Variants in TRAF3 observed in about 807,000 individuals in gnomAD.
TRAF3 encodes the protein TNF receptor-associated factor 3.
A neutral mutation model predicts 62.3 loss-of-function variants in TRAF3; 13 were observed. That is an observed-to-expected ratio of 0.21 (90% CI 0.14 to 0.33). The LOEUF (loss-of-function observed/expected upper bound fraction) is 0.33, where lower values mean the gene tolerates loss of function less well. TRAF3 is among the 10% of genes least tolerant of loss of function. The pLI, the probability that TRAF3 is intolerant of heterozygous loss-of-function variation, is 1.00. For missense variants in TRAF3, 440 were observed against 741.8 expected (o/e 0.59, Z 4.73); for synonymous variants, 269 against 283.4 (o/e 0.95, Z 0.51).
intron 1 of TRAF3, among the ~76,000 whole-genome samples, chr14:102,807,000 C>T (rs1034417713): frequency 6.6e-6 from 1 of 152,166 alleles, no homozygotes. Flanking sequence ...CACAATCTGT[C>T]GTTGGTGCTC....
intron 1 of TRAF3, among the ~76,000 whole-genome samples, chr14:102,800,682 T>C (rs1382412940): frequency 6.6e-6 from 1 of 151,720 alleles, no homozygotes; most frequent in Non-Finnish European, 1.5e-5. Flanking sequence ...TTAACATGTT[T>C]CCTGTTCTTT....
intron 1 of TRAF3, among the ~76,000 whole-genome samples, chr14:102,799,638 A>G (rs1057261028): frequency 1.3e-5 from 2 of 152,100 alleles, no homozygotes; most frequent in Admixed American, 6.6e-5. Flanking sequence ...TTTAGTAGAG[A>G]TGGGGTTTCA....
At chr14:102,894,195 T>C (rs906456523) in intron 9 of TRAF3, among the ~76,000 whole-genome samples, 8 of 151,932 alleles carry the variant, frequency 5.3e-5, no homozygotes, top group Non-Finnish European at 1.2e-4. Context: ...GGAGTGGTGG[T>C]GTGCGCCTGT....
chr14:102,894,926 C>A (rs1406235612), intron 9 of TRAF3: 2 of 331,464 alleles, frequency 6.0e-6, no homozygotes, highest in Admixed American at 4.1e-5. Flanking sequence ...GTCTTCAATT[C>A]CTTGGGCTCA....
At position 102,875,745 on chromosome 14, in the gene TRAF3, C is replaced by T. The variant is rs762641242; in HGVS notation, c.402+17C>T. On this transcript the variant is annotated intron_variant, in intron 5 of 11. Coordinates refer to ENST00000392745, the MANE Select transcript of TRAF3 (RefSeq NM_145725.3). ...CATCTGCTGGTGAGTAGCAAAGGGACACTGGAACCTTTTACATGAAGGAAT... is the reference window on the plus strand; with the variant it reads ...CATCTGCTGGTGAGTAGCAAAGGGATACTGGAACCTTTTACATGAAGGAAT... 5.6e-6 allele frequency: 9 copies of T among 1,601,282 alleles called. No homozygotes were observed. In the South Asian group the frequency reaches 7.7e-5, roughly 14 times the overall value.
At chr14:102,778,295 C>T (rs1897116810) in intron 1 of TRAF3, among the ~76,000 whole-genome samples, 1 of 151,926 alleles carries the variant, frequency 6.6e-6, no homozygotes, top group Non-Finnish European at 1.5e-5. Context: ...TCTGCGTCTT[C>T]CCCGCGGGCG....
intron 8 of TRAF3, among the ~76,000 whole-genome samples, chr14:102,890,638 T>C (rs1050221143): frequency 9.2e-5 from 14 of 152,244 alleles, no homozygotes; most frequent in Admixed American, 2.6e-4. Context: ...TTCTTAATTT[T>C]CTAATAGCAA....
chr14:102,901,245 G>T (rs1388027690), intron 10 of TRAF3, among the ~76,000 whole-genome samples: 1 of 152,150 alleles, frequency 6.6e-6, no homozygotes, highest in Non-Finnish European at 1.5e-5. Context: ...ATCGCGGGGA[G>T]GGGTGGCTCG....
chr14:102,795,588 A>G (rs1412071768), intron 1 of TRAF3, among the ~76,000 whole-genome samples: 1 of 18,864 alleles, frequency 5.3e-5, no homozygotes, highest in Admixed American at 4.7e-4. Context: ...TGTATGCATG[A>G]TATGTATATA....
chr14:102,869,351 G>A (rs1888193571), intron 2 of TRAF3, among the ~76,000 whole-genome samples: 1 of 152,202 alleles, frequency 6.6e-6, no homozygotes, highest in Non-Finnish European at 1.5e-5. Flanking sequence ...CTGAGTTGTA[G>A]CATTGAGACT....
chr14:102,875,363 G>A (rs537999537), intron 4 of TRAF3, among the ~76,000 whole-genome samples: 4 of 152,280 alleles, frequency 2.6e-5, no homozygotes, highest in South Asian at 2.1e-4. Context: ...CAGAGTGATC[G>A]TTAATTATCA....
At position 102,908,625 on chromosome 14, in the gene TRAF3, A is replaced by G. The variant is rs1041153517; in HGVS notation, c.*2841A>G. 1.3e-5 allele frequency: 2 copies of G among 152,718 alleles called. No homozygotes were observed. The highest frequency in any genetic ancestry group is 2.9e-5 in the Non-Finnish European group (2 of 68,450). 9.5% of individuals were successfully genotyped at this position (152,718 alleles called of 1,614,324 possible). A position where few individuals can be genotyped will look rare whatever the true frequency, so the allele number is the denominator to read the frequency against. On this transcript the variant is annotated 3_prime_UTR_variant, in exon 12 of 12. Coordinates refer to ENST00000392745, the MANE Select transcript of TRAF3 (RefSeq NM_145725.3). ...ACAGGGCCCTGGCAGCAAGCGGGAA[A>G]TGGGGGCGCACACTGTGTGCTTGGG...
intron 10 of TRAF3, among the ~76,000 whole-genome samples, chr14:102,902,374 G>A (rs576861160): frequency 3.9e-5 from 6 of 152,246 alleles, no homozygotes; most frequent in East Asian, 1.9e-4. Flanking sequence ...GGTCTGAGGA[G>A]TGGGAGTCTT....
chr14:102,816,935 A>G (rs1899568618), intron 1 of TRAF3, among the ~76,000 whole-genome samples: 2 of 152,172 alleles, frequency 1.3e-5, no homozygotes, highest in African/African-American at 4.8e-5. Flanking sequence ...TGGATTTGGA[A>G]CGTATCTTGA....
chr14:102,885,551 C>T (rs895254377), intron 6 of TRAF3, among the ~76,000 whole-genome samples: 9 of 152,168 alleles, frequency 5.9e-5, no homozygotes, highest in Admixed American at 3.9e-4. Flanking sequence ...GCTTAATAGT[C>T]GCCATCATCC....
chr14:102,820,342 C>T (rs1053704748), intron 1 of TRAF3, among the ~76,000 whole-genome samples: 1 of 152,024 alleles, frequency 6.6e-6, no homozygotes, highest in Non-Finnish European at 1.5e-5. Flanking sequence ...GAGCGCTGCC[C>T]TCACTTCCTA....
intron 1 of TRAF3, among the ~76,000 whole-genome samples, chr14:102,791,629 A>G (rs1277956022): frequency 6.6e-6 from 1 of 152,180 alleles, no homozygotes; most frequent in Non-Finnish European, 1.5e-5. Flanking sequence ...ACCTGCATAT[A>G]TAATTTACCT....
At chr14:102,828,027 G>A (rs771152038) in intron 1 of TRAF3, among the ~76,000 whole-genome samples, 1 of 152,254 alleles carries the variant, frequency 6.6e-6, no homozygotes, top group African/African-American at 2.4e-5. Context: ...AGGGGGCGTC[G>A]TAGCGCACAG....
chr14:102,824,439 G>A (rs1408543559), intron 1 of TRAF3, among the ~76,000 whole-genome samples: 2 of 152,194 alleles, frequency 1.3e-5, no homozygotes, highest in Non-Finnish European at 2.9e-5. Context: ...TCTTCTCTCT[G>A]CTTCCTCTTG....
Sources: allele counts gnomAD v4.1 joint callset (sites outside exome capture counted in the v4.1 genomes callset), GRCh38; gene constraint gnomAD v4.1.1; transcripts MANE v1.5; gene names NCBI Gene and HGNC (gene_info 2026-07-23, HGNC 2026-07-21).